Variants in AIDA observed in about 807,000 individuals in gnomAD.
The protein encoded by AIDA is axin interactor, dorsalization associated, also known as axin interactor, dorsalization-associated protein.
Under a neutral mutation model 42.7 loss-of-function variants are expected in AIDA, and 18 were observed. The ratio of observed to expected loss-of-function variants is 0.42; its 90% CI spans 0.29 to 0.63. AIDA has a LOEUF of 0.63. Ranked by LOEUF, AIDA falls within the 20% of genes least tolerant of loss-of-function variation. The pLI is 0.19. For synonymous variants in AIDA, 104 were observed against 122.9 expected (o/e 0.85, Z 1.02); for missense variants, 250 against 354.1 (o/e 0.71, Z 2.36).
intron 2 of AIDA, among the ~76,000 whole-genome samples, chr1:222,702,021 G>A (rs1208399947): frequency 3.2e-4 from 37 of 115,982 alleles, no homozygotes; most frequent in African/African-American, 1.0e-3. Flanking sequence ...ACCACACCCA[G>A]CCAAAAAAAA....
rs1223410062 is a variant in AIDA, at chr1:222,694,221, C to T, written c.223G>A (p.Ala75Thr). ...GAAAAACTCCTTACCTGTAAAGCTG[C>T]ACTTCGCAATTCCAAGCATGTTGCA... ...KIATCLELRSAALQSTQSQEE... is the reference protein window; with the variant it reads ...KIATCLELRSTALQSTQSQEE... The change falls in exon 3 of 10, where the codon GCA (alanine) becomes ACA (threonine). Residue 75 changes from alanine to threonine, a missense_variant. By Grantham distance (58) the Ala-to-Thr change is moderately conservative (BLOSUM62 0). Transcript: ENST00000340020. 6.2e-7 allele frequency: 1 copy of T among 1,611,634 alleles called. No individual in the cohort carries two copies. Among genetic ancestry groups the T allele is most frequent in the Non-Finnish European group, 8.5e-7 (1 of 1,179,168 alleles).
chr1:222,694,097 G>T, intron 3 of AIDA, 113 bp downstream of exon 3: 2 of 1,005,336 alleles, frequency 2.0e-6, no homozygotes, highest in Non-Finnish European at 2.9e-6. Flanking sequence ...AATAGATGTT[G>T]TTATAAAACA....
chr1:222,691,388 C>A (rs938906987), intron 4 of AIDA, among the ~76,000 whole-genome samples: 18 of 152,284 alleles, frequency 1.2e-4, no homozygotes, highest in African/African-American at 4.1e-4. Flanking sequence ...ATTCACATAG[C>A]CACTCTGAAT....
chr1:222,694,284 C>G, intron 2 of AIDA, 21 bp from the exon 3 acceptor site: 1 of 1,595,562 alleles, frequency 6.3e-7, no homozygotes, highest in Non-Finnish European at 8.6e-7. Context: ...ATAAAAAAAG[C>G]TATAAATACC....
chr1:222,675,949 A>T (rs1362268138), intron 7 of AIDA, 147 bp downstream of exon 7: 9 of 773,738 alleles, frequency 1.2e-5, no homozygotes, highest in Non-Finnish European at 1.7e-5. Context: ...GACCTCTTCC[A>T]GGGACTTTGC....
At chr1:222,699,263 A>T (rs1006315618) in intron 2 of AIDA, among the ~76,000 whole-genome samples, 5 of 152,262 alleles carry the variant, frequency 3.3e-5, no homozygotes, top group African/African-American at 1.2e-4. Flanking sequence ...TTAAAAATAA[A>T]AAACATAAAC....
chr1:222,682,032 G>A (rs915393033), intron 6 of AIDA, among the ~76,000 whole-genome samples: 18 of 152,210 alleles, frequency 1.2e-4, no homozygotes, highest in African/African-American at 3.9e-4. Flanking sequence ...TGGAGATTAC[G>A]GAGAACCAGA....
intron 1 of AIDA, among the ~76,000 whole-genome samples, chr1:222,705,126 A>G (rs368409061): frequency 6.6e-6 from 1 of 152,214 alleles, no homozygotes. Flanking sequence ...AAAAAACTTA[A>G]TATTTGCAAG....
intron 6 of AIDA, among the ~76,000 whole-genome samples, chr1:222,680,142 A>G (rs538731597): frequency 5.1e-4 from 77 of 152,344 alleles, no homozygotes; most frequent in African/African-American, 1.6e-3. Flanking sequence ...GCAGGTTCAC[A>G]GTGATGGAAA....
At chr1:222,680,403 G>A (rs1383733250) in intron 6 of AIDA, among the ~76,000 whole-genome samples, 1 of 152,122 alleles carries the variant, frequency 6.6e-6, no homozygotes, top group Non-Finnish European at 1.5e-5. Context: ...AAAGAAAACT[G>A]GAGGAAATTT....
At chr1:222,711,582 G>A (rs1014173034) in intron 1 of AIDA, 1 of 152,270 alleles carries the variant, frequency 6.6e-6, no homozygotes, top group Non-Finnish European at 1.5e-5. Flanking sequence ...AAACGAAATC[G>A]AGGTGGAATT....
At chr1:222,702,041 T>C (rs1394586077) in intron 2 of AIDA, among the ~76,000 whole-genome samples, 1 of 152,158 alleles carries the variant, frequency 6.6e-6, no homozygotes, top group East Asian at 1.9e-4. Flanking sequence ...AAAAAAATTC[T>C]TTTAAATTGT....
intron 1 of AIDA, among the ~76,000 whole-genome samples, chr1:222,708,333 T>C (rs1655898474): frequency 6.6e-6 from 1 of 150,532 alleles, no homozygotes; most frequent in African/African-American, 2.4e-5. Context: ...CAAGTGGCCA[T>C]TATCCAGTCT....
At position 222,670,009 on chromosome 1, in the gene AIDA, A is replaced by G; in HGVS notation, c.825-20T>C. ...TTGTATCTGTAATCACAACAGAAAG[A>G]CCATTGTTTAAAATACATTGATAAC... On this transcript the variant is annotated intron_variant, in intron 9 of 9. Transcript: ENST00000340020. 1 of 1,613,928 alleles carries G rather than the reference A, an allele frequency of 6.2e-7. No individual in the cohort carries two copies. Among genetic ancestry groups the G allele is most frequent in the East Asian group, 2.2e-5 (1 of 44,860 alleles).
intron 7 of AIDA, among the ~76,000 whole-genome samples, chr1:222,675,546 T>C (rs1451204507): frequency 2.0e-5 from 3 of 152,216 alleles, no homozygotes; most frequent in Admixed American, 1.3e-4. Context: ...GAATGCTCCA[T>C]AGGATTACAT....
chr1:222,696,690 C>T (rs774106196), intron 2 of AIDA, among the ~76,000 whole-genome samples: 11 of 152,130 alleles, frequency 7.2e-5, no homozygotes, highest in Non-Finnish European at 8.8e-5. Flanking sequence ...TATATCAATA[C>T]CATTTAGCTA....
Position 222,712,490 on chromosome 1 carries a change from T to A in AIDA, c.-173A>T. 1 of 1,408,854 alleles carries A rather than the reference T, an allele frequency of 7.1e-7. No homozygotes were observed. The highest frequency in any genetic ancestry group is 9.2e-7 in the Non-Finnish European group (1 of 1,084,420). The allele number at this position is 1,408,854 out of a possible 1,614,324, so 87.3% of individuals were successfully genotyped here. A position where few individuals can be genotyped will look rare whatever the true frequency, so the allele number is the denominator to read the frequency against. The stretch of plus-strand genomic sequence containing the variant: ...CCCATTTGCCGCCACAGCCAAACTT[T>A]GCGGCTCCAAAGCGACCGCCCCGCC... On this transcript the variant is annotated 5_prime_UTR_variant, in exon 1 of 10. Transcript: ENST00000340020.
rs561399642 is a variant in AIDA at position 222,677,744 on chromosome 1, G to GA, written c.461-1527dup. 2.4e-3 allele frequency among the ~76,000 whole-genome samples: 361 copies of GA among 148,246 alleles called. 1 individual carries two copies. Among genetic ancestry groups the GA allele is most frequent in the Non-Finnish European group, 4.1e-3 (277 of 66,804 alleles). On this transcript the variant is annotated intron_variant, in intron 6 of 9. Transcript: ENST00000340020. ...TCTTGCTGATTTAACAATATATTCT[G>GA]AAAAAAAAAATCACTCAATAGTTCA... is the stretch of plus-strand genomic sequence containing the variant.
intron 4 of AIDA, among the ~76,000 whole-genome samples, chr1:222,692,191 G>A (rs1655391185): frequency 1.3e-5 from 2 of 152,230 alleles, no homozygotes; most frequent in African/African-American, 4.8e-5. Flanking sequence ...AGGAGGATGC[G>A]GAGAAGGGGA....
Sources: allele counts gnomAD v4.1 joint callset (sites outside exome capture counted in the v4.1 genomes callset), GRCh38; gene constraint gnomAD v4.1.1; transcripts MANE v1.5; gene names NCBI Gene and HGNC (gene_info 2026-07-23, HGNC 2026-07-21).